Variants in CDK6 observed in about 807,000 individuals in gnomAD.
CDK6 encodes the protein cyclin dependent kinase 6.
Under a neutral mutation model 37.1 loss-of-function variants are expected in CDK6, and 6 were observed. The observed-to-expected ratio is 0.16, with a 90% CI of 0.09 to 0.32. The LOEUF is 0.32. CDK6 is among the 10% of genes least tolerant of loss of function. The probability of loss-of-function intolerance (pLI) is 1.00; values close to 1 mark genes in which losing one functional copy is unlikely to be tolerated. For missense variants in CDK6, 224 were observed against 418.9 expected, an observed-to-expected ratio of 0.53 and a Z score of 4.06; for synonymous variants, 160 against 161.3, an observed-to-expected ratio of 0.99 and a Z score of 0.06.
intron 2 of CDK6, among the ~76,000 whole-genome samples, chr7:92,815,054 G>C (rs1010109192): frequency 6.6e-6 from 1 of 152,144 alleles, no homozygotes; most frequent in African/African-American, 2.4e-5. Flanking sequence ...GCTGGACTAC[G>C]AGTCAACAGG....
At chr7:92,669,773 C>G (rs1269167111) in intron 5 of CDK6, among the ~76,000 whole-genome samples, 1 of 152,222 alleles carries the variant, frequency 6.6e-6, no homozygotes, top group Non-Finnish European at 1.5e-5. Flanking sequence ...GGCCTGGGAG[C>G]CAGACTTTTA....
chr7:92,781,787 G>C (rs1395756767), intron 2 of CDK6, among the ~76,000 whole-genome samples: 2 of 152,084 alleles, frequency 1.3e-5, no homozygotes, highest in African/African-American at 4.8e-5. Context: ...GCTTGAACTA[G>C]AGCCAGTATT....
intron 2 of CDK6, among the ~76,000 whole-genome samples, chr7:92,806,923 CA>C (rs1308385939): frequency 6.6e-6 from 1 of 152,138 alleles, no homozygotes; most frequent in Non-Finnish European, 1.5e-5. Flanking sequence ...CCACAAGAGA[CA>C]TAATACGAAG....
At chr7:92,720,081 T>C (rs181533958) in intron 4 of CDK6, among the ~76,000 whole-genome samples, 236 of 152,304 alleles carry the variant, frequency 1.5e-3, no homozygotes, top group Non-Finnish European at 2.4e-3. Flanking sequence ...AAAAGTTTTA[T>C]TGAGGTCTAC....
At chr7:92,710,305 AGAC>A (rs1798061490) in intron 4 of CDK6, among the ~76,000 whole-genome samples, 1 of 152,226 alleles carries the variant, frequency 6.6e-6, no homozygotes, top group African/African-American at 2.4e-5. Context: ...CTGATTAAAG[AGAC>A]AATAAAACCC....
chr7:92,744,070 G>A (rs1798997841), intron 3 of CDK6, among the ~76,000 whole-genome samples: 1 of 152,108 alleles, frequency 6.6e-6, no homozygotes, highest in African/African-American at 2.4e-5. Flanking sequence ...CCAAATCTGG[G>A]AAGTTATTCA....
At chr7:92,806,735 T>C (rs1199796670) in intron 2 of CDK6, among the ~76,000 whole-genome samples, 2 of 152,178 alleles carry the variant, frequency 1.3e-5, no homozygotes, top group African/African-American at 4.8e-5. Flanking sequence ...CTTGTTAGCA[T>C]GCCAAGTATA....
chr7:92,768,431 T>G (rs1799635908), intron 3 of CDK6, among the ~76,000 whole-genome samples: 1 of 152,250 alleles, frequency 6.6e-6, no homozygotes, highest in Non-Finnish European at 1.5e-5. Flanking sequence ...TCGACTTTGC[T>G]TCTTTAAAGA....
At chr7:92,689,596 C>A (rs1238585847) in intron 4 of CDK6, among the ~76,000 whole-genome samples, 1 of 152,094 alleles carries the variant, frequency 6.6e-6, no homozygotes, top group Non-Finnish European at 1.5e-5. Context: ...AATGAACATG[C>A]ACGTGCATGT....
intron 2 of CDK6, among the ~76,000 whole-genome samples, chr7:92,776,072 C>A (rs1799844757): frequency 6.6e-6 from 1 of 151,198 alleles, no homozygotes; most frequent in South Asian, 2.1e-4. Context: ...ACCCCCCCAC[C>A]CCGACAGGCC....
intron 4 of CDK6, among the ~76,000 whole-genome samples, chr7:92,702,255 CAG>C (rs1202945803): frequency 1.6e-5 from 1 of 62,860 alleles, no homozygotes; most frequent in Non-Finnish European, 2.7e-5. Context: ...TTTTTTGAGA[CAG>C]AGTCTTACTC....
chr7:92,774,925 G>A, intron 2 of CDK6, 94 bp from the exon 3 acceptor site: 1 of 1,125,326 alleles, frequency 8.9e-7, no homozygotes. Flanking sequence ...TCTCATAATA[G>A]AAAAAAAAGG....
intron 2 of CDK6, among the ~76,000 whole-genome samples, chr7:92,827,822 A>G (rs1480505446): frequency 2.0e-5 from 3 of 152,178 alleles, no homozygotes; most frequent in Non-Finnish European, 2.9e-5. Flanking sequence ...TTTACTTCCT[A>G]TGAAGACAGA....
chr7:92,648,849 T>C (rs1025351184), intron 5 of CDK6, among the ~76,000 whole-genome samples: 1 of 152,240 alleles, frequency 6.6e-6, no homozygotes, highest in Non-Finnish European at 1.5e-5. Context: ...GTTTTTACTA[T>C]GGATACACAT....
At position 92,833,356 on chromosome 7, in the gene CDK6, G is replaced by GGGGC; in HGVS notation, c.-37_-34dup. 1 of 1,467,334 alleles carries GGGGC rather than the reference G, an allele frequency of 6.8e-7. No homozygotes were observed. Among genetic ancestry groups the GGGGC allele is most frequent in the Non-Finnish European group, 9.2e-7 (1 of 1,085,488 alleles). The allele number at this position is 1,467,334 out of a possible 1,614,324, so 90.9% of individuals were successfully genotyped here. On this transcript the variant is annotated 5_prime_UTR_variant, in exon 2 of 8. Transcript: ENST00000424848. The surrounding 1 kb of genome is among the most constrained non-coding windows in gnomAD (Gnocchi z 6.1). ...GGACGCCGCCCGCCGCGGCGCCGCT[G>GGGGC]GGGCGGGCGGGGGGTGCGCTCAACT...
At chr7:92,672,391 A>C (rs2116607070) in intron 4 of CDK6, among the ~76,000 whole-genome samples, 1 of 151,682 alleles carries the variant, frequency 6.6e-6, no homozygotes, top group South Asian at 2.1e-4. Flanking sequence ...ACAAGTAAAA[A>C]GTGGGGAAGA....
At chr7:92,821,999 T>TTGTAAGGACAGCTATGGCCA (rs1182061253) in intron 2 of CDK6, among the ~76,000 whole-genome samples, 2 of 152,062 alleles carry the variant, frequency 1.3e-5, no homozygotes, top group Non-Finnish European at 2.9e-5. Context: ...ACATCCCTAC[T>TTGTAAGGACAGCTATGGCCA]TGTAAGGACA....
At chr7:92,735,786 T>C (rs1798770378) in intron 3 of CDK6, among the ~76,000 whole-genome samples, 1 of 152,134 alleles carries the variant, frequency 6.6e-6, no homozygotes, top group Non-Finnish European at 1.5e-5. Flanking sequence ...TGTACAGGAG[T>C]TATAGAACAT....
At chr7:92,623,203 T>A (rs1795844078) in intron 5 of CDK6, 117 bp from the exon 6 acceptor site, 1 of 694,278 alleles carries the variant, frequency 1.4e-6, no homozygotes, top group Admixed American at 2.8e-5. Context: ...TGGGAAGAAG[T>A]AAAAAAAATT....
Sources: gnomAD v4.1 joint callset for allele counts (sites outside exome capture counted in the v4.1 genomes callset) on GRCh38, gnomAD v4.1.1 for gene constraint, Gnocchi (gnomAD v3.1) non-coding constraint, MANE v1.5 for transcripts, NCBI Gene and HGNC (gene_info 2026-07-23, HGNC 2026-07-21) for gene names.